The following NRG1 variants were observed in gnomAD, a reference collection of about 807,000 sequenced individuals.
NRG1 encodes pro-neuregulin-1, membrane-bound isoform.
NRG1 carries 18 observed loss-of-function variants against 63.8 expected under a neutral mutation model. The observed-to-expected ratio is 0.28, with a 90% CI of 0.19 to 0.42. NRG1 has a LOEUF of 0.42. Among genes scored for constraint, NRG1 ranks in the 10% least tolerant of loss-of-function variants. The pLI is 1.00. For missense variants in NRG1, 762 were observed against 814.7 expected (o/e 0.94, Z 0.79); for synonymous variants, 302 against 301.3 (o/e 1.00, Z -0.02).
chr8:31,978,743 G>C (rs1357718833), intron 1 of NRG1, among the ~76,000 whole-genome samples: 1 of 152,082 alleles, frequency 6.6e-6, no homozygotes, highest in Non-Finnish European at 1.5e-5. Flanking sequence ...CTGTTTGCCA[G>C]ATGTTACCTG....
At chr8:31,752,425 G>C (rs755150721) in intron 1 of NRG1, among the ~76,000 whole-genome samples, 1 of 152,040 alleles carries the variant, frequency 6.6e-6, no homozygotes, top group Non-Finnish European at 1.5e-5. Context: ...GGACTACAGT[G>C]ATAGACAGTG....
At chr8:31,716,846 T>C (rs956169462) in intron 1 of NRG1, among the ~76,000 whole-genome samples, 7 of 152,266 alleles carry the variant, frequency 4.6e-5, no homozygotes, top group Admixed American at 3.9e-4. Flanking sequence ...CATTAAATTC[T>C]ATAATTTAAA....
At chr8:32,601,964 T>C (rs1289484369) in intron 2 of NRG1, among the ~76,000 whole-genome samples, 1 of 152,162 alleles carries the variant, frequency 6.6e-6, no homozygotes, top group East Asian at 1.9e-4. Context: ...TATTTCTGCA[T>C]ATATTGTAGT....
At chr8:32,503,948 T>C (rs1347947161) in intron 1 of NRG1, among the ~76,000 whole-genome samples, 1 of 152,144 alleles carries the variant, frequency 6.6e-6, no homozygotes, top group African/African-American at 2.4e-5. Flanking sequence ...GGGTGGGCTG[T>C]CCACATGCTC....
chr8:31,949,053 T>C (rs867796135), intron 1 of NRG1, among the ~76,000 whole-genome samples: 31 of 152,370 alleles, frequency 2.0e-4, no homozygotes, highest in Middle Eastern at 3.4e-3. Flanking sequence ...AAAAAAACTA[T>C]ATTGGTATAT....
rs567030770 is a variant in NRG1 at position 32,705,293 on chromosome 8, G to A, written c.503-22656G>A. On this transcript the variant is annotated intron_variant, in intron 5 of 11. Coordinates refer to ENST00000356819, the Ensembl canonical transcript of NRG1. ...ACTACAGGCTCCAGCCACCACACCC[G>A]GGTAATTTTTTGTATTTTTAGTAGA... Among the ~76,000 whole-genome samples, 9 of 151,820 alleles carry A rather than the reference G, an allele frequency of 5.9e-5. No individual in the cohort carries two copies. The South Asian group carries it at 1.5e-3, about 25-fold the overall frequency.
chr8:32,464,084 C>A (rs563206018), intron 1 of NRG1, among the ~76,000 whole-genome samples: 1 of 150,890 alleles, frequency 6.6e-6, no homozygotes, highest in East Asian at 2.0e-4. Context: ...TTAGTAGAGA[C>A]GGAGTTTCAC....
intron 11 of NRG1, chr8:32,760,874 A>G: frequency 2.0e-6 from 2 of 999,892 alleles, no homozygotes; most frequent in Non-Finnish European, 2.4e-6. Flanking sequence ...GTTAAGTCAA[A>G]TCAAGGGCTA....
At chr8:32,253,008 A>T (rs969471583) in intron 1 of NRG1, among the ~76,000 whole-genome samples, 2 of 151,894 alleles carry the variant, frequency 1.3e-5, no homozygotes, top group African/African-American at 4.8e-5. Context: ...TCTATTATTG[A>T]TGTATAGGAA....
intron 1 of NRG1, among the ~76,000 whole-genome samples, chr8:32,249,404 G>A (rs1190135980): frequency 1.3e-5 from 2 of 152,112 alleles, no homozygotes; most frequent in Non-Finnish European, 2.9e-5. Context: ...AGTGGACACA[G>A]AATCACAAAA....
intron 1 of NRG1, among the ~76,000 whole-genome samples, chr8:32,141,582 A>T (rs1379539853): frequency 1.0e-5 from 1 of 99,976 alleles, no homozygotes; most frequent in Non-Finnish European, 1.9e-5. Context: ...TACATATCCT[A>T]TGTGTGTGGG....
intron 1 of NRG1, among the ~76,000 whole-genome samples, chr8:32,177,788 GC>G (rs1220660225): frequency 1.3e-5 from 2 of 152,098 alleles, no homozygotes; most frequent in Non-Finnish European, 2.9e-5. Flanking sequence ...CTATAGGTGG[GC>G]TGATTTAAAT....
At chr8:32,300,198 A>C (rs923904809) in intron 1 of NRG1, among the ~76,000 whole-genome samples, 1 of 152,206 alleles carries the variant, frequency 6.6e-6, no homozygotes, top group Non-Finnish European at 1.5e-5. Flanking sequence ...GCTGAAAAAA[A>C]CGTGCAATAT....
At chr8:32,523,016 G>A (rs887612449) in intron 1 of NRG1, among the ~76,000 whole-genome samples, 1 of 152,058 alleles carries the variant, frequency 6.6e-6, no homozygotes, top group African/African-American at 2.4e-5. Flanking sequence ...TGTCCAGGCT[G>A]GTCTTGATCT....
intron 1 of NRG1, among the ~76,000 whole-genome samples, chr8:32,305,366 A>G (rs930984616): frequency 3.3e-5 from 5 of 152,202 alleles, no homozygotes; most frequent in African/African-American, 1.2e-4. Flanking sequence ...AGCATAGAAT[A>G]TTTTATAGGT....
intron 1 of NRG1, among the ~76,000 whole-genome samples, chr8:31,920,030 G>A (rs959595382): frequency 1.3e-5 from 2 of 152,032 alleles, no homozygotes; most frequent in African/African-American, 4.8e-5. Context: ...AACTATTTGG[G>A]TTGTTATATA....
rs1189037476 is a variant in NRG1, at chr8:32,695,791, T to A, written c.503-32158T>A. Among the ~76,000 whole-genome samples the A allele has an allele frequency of 3.3e-5, 5 of 152,138 alleles. No homozygotes were observed. The East Asian group carries it at 9.6e-4, about 29-fold the overall frequency. The stretch of plus-strand genomic sequence containing the variant: ...AAAATCAGGTGCTTACAAATGAGAG[T>A]ATTTAAAGAATCAGAGGGAGCAAGG... On this transcript the variant is annotated intron_variant, in intron 5 of 11. Coordinates refer to ENST00000356819, the Ensembl canonical transcript of NRG1.
At chr8:31,919,766 A>T (rs1378033059) in intron 1 of NRG1, among the ~76,000 whole-genome samples, 2 of 152,074 alleles carry the variant, frequency 1.3e-5, no homozygotes, top group African/African-American at 4.8e-5. Flanking sequence ...ACTCTCAAAG[A>T]GCTTATAATT....
intron 1 of NRG1, among the ~76,000 whole-genome samples, chr8:31,665,438 G>A (rs1420261020): frequency 6.6e-6 from 1 of 152,164 alleles, no homozygotes; most frequent in Non-Finnish European, 1.5e-5. Context: ...GGGAAAAAAT[G>A]AGTGATGAGT....
Sources: gnomAD v4.1 joint callset for allele counts (sites outside exome capture counted in the v4.1 genomes callset) on GRCh38, gnomAD v4.1.1 for gene constraint, MANE v1.5 for transcripts, NCBI Gene and HGNC (gene_info 2026-07-23, HGNC 2026-07-21) for gene names.